DOK7: variants seen among roughly 807,000 people sequenced by gnomAD.
DOK7 encodes docking protein 7.
DOK7 carries 32 observed loss-of-function variants against 30.7 expected under a neutral mutation model. That is an observed-to-expected ratio of 1.04 (90% CI 0.79 to 1.40). The LOEUF (loss-of-function observed/expected upper bound fraction) is 1.40, where lower values mean the gene tolerates loss of function less well. Ranked by LOEUF, DOK7 falls within the 40% of genes most tolerant of loss-of-function variation. The pLI, the probability that DOK7 is intolerant of heterozygous loss-of-function variation, is 0.00. For missense variants in DOK7, 1,007 were observed against 699.2 expected, an observed-to-expected ratio of 1.44 and a Z score of -4.97; for synonymous variants, 447 against 324.1, an observed-to-expected ratio of 1.38 and a Z score of -4.07.
Position 3,493,461 on chromosome 4 carries a change from G to C in DOK7, c.1475G>C (p.Cys492Ser). 6.2e-7 allele frequency: 1 copy of C among 1,610,602 alleles called. No individual in the cohort carries two copies. The highest frequency in any genetic ancestry group is 8.5e-7 in the Non-Finnish European group (1 of 1,179,090). Residue 492 changes from cysteine to serine, a missense_variant, in exon 7 of 7, where the codon TGT becomes TCT. Physicochemically the swap from Cys to Ser is moderately radical, Grantham distance 112. Transcript: ENST00000340083. Reference sequence around the variant, plus strand: ...CCACCCCCGGCTTTCTTTTCGGCATGTCCAGTCTGTGGAGGACTCAAGGTA... The same window carrying C: ...CCACCCCCGGCTTTCTTTTCGGCATCTCCAGTCTGTGGAGGACTCAAGGTA... ...AGPPPAFFSA[C>S]PVCGGLKVNP...
At chr4:3,477,246 C>A (rs79448283) in intron 4 of DOK7, among the ~76,000 whole-genome samples, 18,968 of 152,326 alleles carry the variant, frequency 0.12, 1,260 homozygotes, top group East Asian at 0.23. Flanking sequence ...GCAGTCCCCG[C>A]GGAGGGTGTG....
At chr4:3,490,448 C>CCTGCTCATTCATTCCTTTCTTCTCCCT (rs1392602610) in intron 6 of DOK7, among the ~76,000 whole-genome samples, 1,250 of 101,532 alleles carry the variant, frequency 0.012, 26 homozygotes, top group Non-Finnish European at 0.016. Context: ...TCATTTCTCT[C>CCTGCTCATTCATTCCTTTCTTCTCCCT]CTGCTCATTC....
In DOK7 at chr4:3,463,487, C is replaced by G; in HGVS notation, c.55-19C>G. 6.7e-7 allele frequency: 1 copy of G among 1,483,944 alleles called. No homozygotes were observed. The highest frequency in any genetic ancestry group is 1.3e-5 in the South Asian group (1 of 79,254). 91.9% of individuals were successfully genotyped at this position (1,483,944 alleles called of 1,614,324 possible). A position where few individuals can be genotyped will look rare whatever the true frequency, so the allele number is the denominator to read the frequency against. On this transcript the variant is annotated intron_variant, in intron 1 of 6. Coordinates refer to ENST00000340083, the MANE Select transcript of DOK7 (RefSeq NM_173660.5). ...GCGCGGGCGCGGGCGGCGGCTCACG[C>G]TCCCCCCTGTCCCCGCAGTGGAAGA...
chr4:3,489,836 A>G, intron 6 of DOK7, 40 bp downstream of exon 6: 1 of 1,557,274 alleles, frequency 6.4e-7, no homozygotes, highest in Non-Finnish European at 8.7e-7. Flanking sequence ...GACCTCGGCT[A>G]AGCCTCCAGC....
intron 2 of DOK7, among the ~76,000 whole-genome samples, chr4:3,470,505 G>C (rs2109330168): frequency 6.6e-6 from 1 of 152,276 alleles, no homozygotes; most frequent in South Asian, 2.1e-4. Flanking sequence ...TCAGAAAGAG[G>C]TCTGAGGGTC....
chr4:3,480,789 C>A (rs747884009), intron 4 of DOK7, among the ~76,000 whole-genome samples: 14 of 151,932 alleles, frequency 9.2e-5, no homozygotes, highest in Non-Finnish European at 1.9e-4. Flanking sequence ...GCGCCTTCAG[C>A]AGTTTCTCAT....
chr4:3,489,888 G>A, intron 6 of DOK7, 92 bp downstream of exon 6: 3 of 1,498,174 alleles, frequency 2.0e-6, no homozygotes, highest in East Asian at 2.5e-5. Flanking sequence ...GGGGGCTGCA[G>A]GCTCCCTCTG....
Position 3,463,382 on chromosome 4 carries a change from G to A in DOK7, c.7G>A (p.Glu3Lys), listed in dbSNP as rs763233743. ...CGCGGAACCATGACAGAAGATGACCGAGGCGGCGCTGGTGGAGGGCCAGGT... is the reference window on the plus strand; with the variant it reads ...CGCGGAACCATGACAGAAGATGACCAAGGCGGCGCTGGTGGAGGGCCAGGT... MT[E>K]AALVEGQVKL... is the part of the protein sequence containing the mutation. Residue 3 changes from glutamate (E) to lysine (K), a missense_variant, in exon 1 of 7, where the codon GAG (glutamate) becomes AAG (lysine). Glu to Lys is a moderately conservative substitution (Grantham distance 56, BLOSUM62 1). Coordinates refer to ENST00000340083, the MANE Select transcript of DOK7 (RefSeq NM_173660.5). The A allele has an allele frequency of 7.4e-6, 11 of 1,493,466 alleles. No individual in the cohort carries two copies. The highest frequency in any genetic ancestry group is 2.7e-5 in the East Asian group (1 of 37,574). 92.5% of individuals were successfully genotyped at this position (1,493,466 alleles called of 1,614,324 possible). A position where few individuals can be genotyped will look rare whatever the true frequency, so the allele number is the denominator to read the frequency against.
chr4:3,485,715 C>T (rs1320065068), intron 5 of DOK7, 57 bp downstream of exon 5: 1 of 1,449,716 alleles, frequency 6.9e-7, no homozygotes, highest in Non-Finnish European at 9.1e-7. Context: ...TGTGCGACGT[C>T]CCGGGGCGGG....
At chr4:3,465,606 C>T (rs1052052370) in intron 2 of DOK7, among the ~76,000 whole-genome samples, 2 of 152,214 alleles carry the variant, frequency 1.3e-5, no homozygotes, top group Non-Finnish European at 2.9e-5. Flanking sequence ...TTTTCTCAAT[C>T]GTGAGCACGT....
chr4:3,484,601 A>G (rs1727643431), intron 4 of DOK7: 1 of 985,412 alleles, frequency 1.0e-6, no homozygotes, highest in African/African-American at 1.7e-5. Flanking sequence ...CGCCCCCGTG[A>G]CTCGCAGCTG....
At chr4:3,490,417 C>T (rs1728228856) in intron 6 of DOK7, among the ~76,000 whole-genome samples, 1 of 69,516 alleles carries the variant, frequency 1.4e-5, no homozygotes, top group African/African-American at 7.3e-5. Flanking sequence ...ACCCCCCCCA[C>T]CGCCCCGCTC....
chr4:3,496,964 G>C (rs1305785032), downstream of DOK7: 1 of 341,748 alleles, frequency 2.9e-6, no homozygotes, highest in African/African-American at 2.3e-5. Flanking sequence ...GGAGGGGGGA[G>C]GGTGGGGGGC....
chr4:3,463,590 G>A (rs1726100556), intron 2 of DOK7, 39 bp downstream of exon 2: 1 of 1,522,868 alleles, frequency 6.6e-7, no homozygotes, highest in Non-Finnish European at 8.8e-7. Context: ...CGCGGGGGTA[G>A]CGACACGGGT....
chr4:3,470,837 G>T, intron 2 of DOK7, among the ~76,000 whole-genome samples: 1 of 152,246 alleles, frequency 6.6e-6, no homozygotes, highest in Non-Finnish European at 1.5e-5. Flanking sequence ...AGTCCTGACT[G>T]TATTATTGGG....
downstream of DOK7, among the ~76,000 whole-genome samples, chr4:3,498,302 TAC>T (rs1315528496): frequency 2.0e-5 from 3 of 152,032 alleles, no homozygotes; most frequent in East Asian, 3.9e-4. Flanking sequence ...TTGGGGGAGA[TAC>T]AGATACGGAC....
exon 8 of DOK7, chr4:3,500,788 T>C: frequency 6.5e-7 from 1 of 1,532,960 alleles, no homozygotes; most frequent in Non-Finnish European, 8.7e-7. Context: ...GAGGAGCAGC[T>C]GTCGGAGCTG....
At chr4:3,469,165 G>A (rs575832400) in intron 2 of DOK7, among the ~76,000 whole-genome samples, 8 of 151,576 alleles carry the variant, frequency 5.3e-5, no homozygotes, top group East Asian at 1.9e-4. Context: ...GAGTGTGCAT[G>A]TGTGTGTGTG....
At chr4:3,489,617 C>A (rs994843374) in intron 5 of DOK7, 60 bp from the exon 6 acceptor site, 6 of 1,552,702 alleles carry the variant, frequency 3.9e-6, no homozygotes, top group Middle Eastern at 1.8e-4. Context: ...GGCCTGGTGC[C>A]TGCGGGCGAG....
Sources: gnomAD v4.1 joint callset for allele counts (sites outside exome capture counted in the v4.1 genomes callset) on GRCh38, gnomAD v4.1.1 for gene constraint, MANE v1.5 for transcripts, NCBI Gene and HGNC (gene_info 2026-07-23, HGNC 2026-07-21) for gene names.